The following CDH13 variants were observed in gnomAD, a reference collection of about 807,000 sequenced individuals.
The protein encoded by CDH13 is cadherin-13.
In CDH13, 24 loss-of-function variants were observed where a neutral mutation model predicts 63.8. The ratio of observed to expected loss-of-function variants is 0.38; its 90% CI spans 0.27 to 0.53. The LOEUF (loss-of-function observed/expected upper bound fraction) is 0.53, where lower values mean the gene tolerates loss of function less well. Among genes scored for constraint, CDH13 ranks in the 20% least tolerant of loss-of-function variants. The pLI is 0.85. For missense variants in CDH13, 1,049 were observed against 903.1 expected, an observed-to-expected ratio of 1.16 and a Z score of -2.07; for synonymous variants, 503 against 355.3, an observed-to-expected ratio of 1.42 and a Z score of -4.67.
intron 4 of CDH13, among the ~76,000 whole-genome samples, chr16:83,147,193 G>A (rs949209731): frequency 4.6e-5 from 7 of 152,176 alleles, no homozygotes; most frequent in African/African-American, 9.7e-5. Flanking sequence ...ACTGAGGGCC[G>A]TGATCAGACA....
intron 4 of CDH13, among the ~76,000 whole-genome samples, chr16:83,187,001 C>T (rs879526679): frequency 1.6e-4 from 24 of 151,812 alleles, no homozygotes; most frequent in Non-Finnish European, 3.5e-4. Flanking sequence ...GACGGAGTCT[C>T]GCTCTGTCAC....
chr16:82,942,323 T>A (rs748577638), intron 2 of CDH13, among the ~76,000 whole-genome samples: 12 of 152,192 alleles, frequency 7.9e-5, no homozygotes, highest in Non-Finnish European at 1.5e-4. Flanking sequence ...ATAACCAATA[T>A]GTGTGATCTA....
At chr16:83,169,418 G>T (rs1464880372) in intron 4 of CDH13, among the ~76,000 whole-genome samples, 8 of 151,978 alleles carry the variant, frequency 5.3e-5, no homozygotes, top group Admixed American at 5.3e-4. Context: ...CTCATAATCT[G>T]CCTGCCTCGG....
intron 2 of CDH13, among the ~76,000 whole-genome samples, chr16:82,860,878 C>G (rs946334105): frequency 6.6e-6 from 1 of 152,164 alleles, no homozygotes; most frequent in African/African-American, 2.4e-5. Context: ...ATTGAATAAA[C>G]TTTTATACCT....
At chr16:83,775,440 A>G (rs1215939939) in intron 11 of CDH13, among the ~76,000 whole-genome samples, 1 of 152,106 alleles carries the variant, frequency 6.6e-6, no homozygotes, top group Non-Finnish European at 1.5e-5. Flanking sequence ...CATTATAAAG[A>G]CAGAAGCCCC....
At chr16:83,657,114 A>C (rs998336812) in intron 8 of CDH13, among the ~76,000 whole-genome samples, 1 of 152,204 alleles carries the variant, frequency 6.6e-6, no homozygotes, top group African/African-American at 2.4e-5. Flanking sequence ...TGCATATGTA[A>C]TGGCAAAATG....
intron 7 of CDH13, among the ~76,000 whole-genome samples, chr16:83,599,960 G>A (rs896007295): frequency 6.6e-6 from 1 of 152,190 alleles, no homozygotes; most frequent in Non-Finnish European, 1.5e-5. Flanking sequence ...TCCAGCTGCA[G>A]AAATTATAGC....
chr16:83,043,489 GA>G, intron 3 of CDH13, among the ~76,000 whole-genome samples: 1 of 92,828 alleles, frequency 1.1e-5, no homozygotes, highest in East Asian at 3.5e-4. Flanking sequence ...CTGTATATAT[GA>G]GTGTGTGTGT....
chr16:83,785,900 G>A (rs942720072), intron 13 of CDH13, among the ~76,000 whole-genome samples: 9 of 152,112 alleles, frequency 5.9e-5, no homozygotes, highest in African/African-American at 2.2e-4. Context: ...ACAGGCTCCT[G>A]GACATTCTAA....
At position 83,783,489 on chromosome 16, in the gene CDH13, C is replaced by A; in HGVS notation, c.2134+17C>A. On this transcript the variant is annotated intron_variant, in intron 13 of 13. Coordinates refer to ENST00000567109, the MANE Select transcript of CDH13 (RefSeq NM_001257.5). ...GCTTAGCTTGTAAGTTGACCTAACT[C>A]CAGTGCATGCACAAACAGGAAATTG... 1 of 1,592,170 alleles carries A rather than the reference C, an allele frequency of 6.3e-7. No individual in the cohort carries two copies. Among genetic ancestry groups the A allele is most frequent in the South Asian group, 1.1e-5 (1 of 90,642 alleles).
chr16:83,659,880 G>A lies in CDH13; in HGVS notation c.1102-10910G>A, dbSNP rs191381465. Among the ~76,000 whole-genome samples the A allele has an allele frequency of 2.7e-5, 4 of 147,064 alleles. No individual in the cohort carries two copies. The East Asian group carries it at 6.2e-4, about 23-fold the overall frequency. On this transcript the variant is annotated intron_variant, in intron 8 of 13. Transcript: ENST00000567109. Reference sequence around the variant, plus strand: ...TGGCTCACTGCAACCTCCACCTCCCGGGTTCAAGCAATTCTCCTGTCTCAG... The same window carrying A: ...TGGCTCACTGCAACCTCCACCTCCCAGGTTCAAGCAATTCTCCTGTCTCAG...
chr16:82,973,683 G>A (rs1909092885), intron 2 of CDH13, among the ~76,000 whole-genome samples: 1 of 152,182 alleles, frequency 6.6e-6, no homozygotes, highest in South Asian at 2.1e-4. Flanking sequence ...TGGCTTCACT[G>A]AAGGGATGAT....
At chr16:83,725,690 C>G (rs1910306309) in intron 10 of CDH13, 1 of 152,216 alleles carries the variant, frequency 6.6e-6, no homozygotes, top group Non-Finnish European at 1.5e-5. Context: ...TTGGGAACAG[C>G]TTTAATGACT....
At chr16:83,646,713 A>AAAAACC (rs1911848149) in intron 8 of CDH13, among the ~76,000 whole-genome samples, 1 of 17,738 alleles carries the variant, frequency 5.6e-5, no homozygotes, top group African/African-American at 1.3e-4. Flanking sequence ...AAAAAAAAAA[A>AAAAACC]CACACACACA....
chr16:82,907,187 CCT>C (rs1043921669), intron 2 of CDH13, among the ~76,000 whole-genome samples: 2 of 152,058 alleles, frequency 1.3e-5, no homozygotes, highest in Non-Finnish European at 2.9e-5. Context: ...TCAGTGGAAC[CCT>C]TTCTTTAAAT....
intron 2 of CDH13, among the ~76,000 whole-genome samples, chr16:82,883,151 A>C (rs972258090): frequency 1.3e-5 from 2 of 152,218 alleles, no homozygotes; most frequent in East Asian, 3.9e-4. Context: ...AGAAGAGATA[A>C]GAAATGAGAG....
chr16:83,039,814 A>G (rs1340376961), intron 3 of CDH13, among the ~76,000 whole-genome samples: 1 of 151,834 alleles, frequency 6.6e-6, no homozygotes, highest in African/African-American at 2.4e-5. Flanking sequence ...ATCCCTTCAC[A>G]CTGGCTACTC....
At chr16:83,272,837 T>A (rs9937227) in intron 5 of CDH13, among the ~76,000 whole-genome samples, 2 of 152,130 alleles carry the variant, frequency 1.3e-5, no homozygotes, top group African/African-American at 4.8e-5. Context: ...CAAGAACAAC[T>A]ATTCTGTGCA....
intron 1 of CDH13, among the ~76,000 whole-genome samples, chr16:82,816,816 G>T (rs920268615): frequency 1.7e-5 from 2 of 114,972 alleles, no homozygotes; most frequent in Admixed American, 1.1e-4. Context: ...GGGGCGGGGG[G>T]TGGGGGGGAA....
Sources: allele counts gnomAD v4.1 joint callset (sites outside exome capture counted in the v4.1 genomes callset), GRCh38; gene constraint gnomAD v4.1.1; transcripts MANE v1.5; gene names NCBI Gene and HGNC (gene_info 2026-07-23, HGNC 2026-07-21).